Variants in ZWINT observed in about 807,000 individuals in gnomAD.
The protein encoded by ZWINT is ZW10 interacting kinetochore protein.
A neutral mutation model predicts 41.5 loss-of-function variants in ZWINT; 41 were observed. The observed-to-expected ratio is 0.99, with a 90% confidence interval of 0.77 to 1.28. ZWINT has a LOEUF of 1.28. Among genes scored for constraint, ZWINT ranks in the 50% most tolerant of loss-of-function variants. The pLI is 0.00. For missense variants in ZWINT, 369 were observed against 329.7 expected (o/e 1.12, Z -0.92); for synonymous variants, 132 against 126.8 (o/e 1.04, Z -0.28).
rs780526277 is a variant in ZWINT at position 56,358,187 on chromosome 10, T to C, written c.*42-2A>G. 2.6e-6 allele frequency: 2 copies of C among 756,216 alleles called. No homozygotes were observed. The highest frequency in any genetic ancestry group is 4.9e-6 in the Non-Finnish European group (2 of 404,296). The allele number at this position is 756,216 out of a possible 1,614,324, so 46.8% of individuals were successfully genotyped here. A position where few individuals can be genotyped will look rare whatever the true frequency, so the allele number is the denominator to read the frequency against. On this transcript the variant is annotated splice_acceptor_variant, in intron 8 of 8. Coordinates refer to ENST00000373944, the MANE Select transcript of ZWINT (RefSeq NM_007057.4). LOFTEE classifies it low-confidence loss of function (3UTR_SPLICE). ...TGGGAGGTGAGGGAAGTCAGAGGCC[T>C]GGGGAAGAAGACAGGGGTTAGCTCT...
In ZWINT at chr10:56,358,443, G is replaced by C. The variant is rs1459348914; in HGVS notation, c.809C>G (p.Pro270Arg). The stretch of plus-strand genomic sequence containing the variant: ...TCATGGCAAATTTACATCTCCAGCA[G>C]GTTGTAGACCAACAGCCTTGGAGAA... ...GVSFKAVGLQPAGDVNLP is the reference protein window; with the variant it reads ...GVSFKAVGLQRAGDVNLP Residue 270 changes from proline (P) to arginine (R), a missense_variant, in exon 8 of 9, where the codon CCT (proline) becomes CGT (arginine). Physicochemically the swap from Pro to Arg is moderately radical, Grantham distance 103. Transcript: ENST00000373944. The C allele has an allele frequency of 6.8e-6, 11 of 1,614,108 alleles. No individual in the cohort carries two copies. The highest frequency in any genetic ancestry group is 1.1e-5 in the South Asian group (1 of 91,080).
At chr10:56,359,096 G>C in intron 5 of ZWINT, 149 bp from the exon 6 acceptor site, 2 of 1,012,128 alleles carry the variant, frequency 2.0e-6, no homozygotes, top group Non-Finnish European at 2.8e-6. Context: ...TAGGGGCCTA[G>C]AGAAAAGGAA....
At chr10:56,358,305 G>C (rs540972344) in intron 8 of ZWINT, 72 bp downstream of exon 8, 1 of 1,241,284 alleles carries the variant, frequency 8.1e-7, no homozygotes, top group South Asian at 1.2e-5. Flanking sequence ...CAGATGCAGA[G>C]AGAGGTAAAC....
At chr10:56,359,429 A>C in intron 5 of ZWINT, 47 bp downstream of exon 5, 2 of 1,495,058 alleles carry the variant, frequency 1.3e-6, no homozygotes. Context: ...AGCCGATACA[A>C]TGGCATGGTG....
rs760084464 is a variant in ZWINT, at chr10:56,359,678, T to C, written c.423+9A>G. ...CTTCCCTCCCTGTACTCAAGACCCC[T>C]GGGTGTACCTTGGCCTGGAGCTGCT... On this transcript the variant is annotated intron_variant, in intron 4 of 8. Coordinates refer to ENST00000373944, the MANE Select transcript of ZWINT (RefSeq NM_007057.4). 2 of 1,614,164 alleles carry C rather than the reference T, an allele frequency of 1.2e-6. No homozygotes were observed. Among genetic ancestry groups the C allele is most frequent in the Middle Eastern group, 3.3e-4 (2 of 6,058 alleles).
intron 5 of ZWINT, 37 bp downstream of exon 5, chr10:56,359,438 TG>T: frequency 6.7e-7 from 1 of 1,502,626 alleles, no homozygotes; most frequent in Non-Finnish European, 8.9e-7. Flanking sequence ...AATGGCATGG[TG>T]GTGGGAAGGG....
intron 5 of ZWINT, 115 bp downstream of exon 5, chr10:56,359,361 T>C: frequency 1.1e-6 from 1 of 930,296 alleles, no homozygotes; most frequent in Non-Finnish European, 1.6e-6. Context: ...CCCATGTTGG[T>C]ATTTATATTA....
intron 8 of ZWINT, 32 bp downstream of exon 8, chr10:56,358,345 C>A: frequency 6.3e-7 from 1 of 1,575,402 alleles, no homozygotes; most frequent in South Asian, 1.1e-5. Flanking sequence ...CACTTGCAGT[C>A]CAGGGACACC....
At chr10:56,360,883 G>T (rs1838315932) in intron 1 of ZWINT, among the ~76,000 whole-genome samples, 1 of 152,142 alleles carries the variant, frequency 6.6e-6, no homozygotes, top group Non-Finnish European at 1.5e-5. Flanking sequence ...CTACGAAGGG[G>T]CAGGGATGGG....
At position 56,360,010 on chromosome 10, in the gene ZWINT, C is replaced by G; in HGVS notation, c.256+8G>C. On this transcript the variant is annotated splice_region_variant and intron_variant, in intron 3 of 8. Transcript: ENST00000373944. ...GTCAGCTGCTACTACAATCCCCTGC[C>G]TACTCACGGCTCGTGTCTTCAGAAG... 1 of 1,613,918 alleles carries G rather than the reference C, an allele frequency of 6.2e-7. No individual in the cohort carries two copies. The highest frequency in any genetic ancestry group is 8.5e-7 in the Non-Finnish European group (1 of 1,179,908).
chr10:56,361,051 A>G, intron 1 of ZWINT, 145 bp downstream of exon 1: 1 of 860,840 alleles, frequency 1.2e-6, no homozygotes, highest in Non-Finnish European at 1.8e-6. Context: ...TCAGGAACCT[A>G]AGACGGGACT....
At chr10:56,358,327 T>G in intron 8 of ZWINT, 50 bp downstream of exon 8, 3 of 1,482,456 alleles carry the variant, frequency 2.0e-6, no homozygotes, top group Non-Finnish European at 1.9e-6. Context: ...AGGCTTTCCC[T>G]CCTTCCACAC....
chr10:56,360,759 C>T (rs1159399622), intron 1 of ZWINT, among the ~76,000 whole-genome samples: 3 of 152,102 alleles, frequency 2.0e-5, no homozygotes, highest in East Asian at 3.9e-4. Flanking sequence ...TCCCTCCTGG[C>T]GCTGAGCACC....
At position 56,358,599 on chromosome 10, in the gene ZWINT, C is replaced by T. The variant is rs1426424472; in HGVS notation, c.749G>A (p.Ser250Asn). 2.5e-6 allele frequency: 4 copies of T among 1,614,060 alleles called. No individual in the cohort carries two copies. The highest frequency in any genetic ancestry group is 3.4e-6 in the Non-Finnish European group (4 of 1,180,046). Residue 250 changes from serine (S) to asparagine (N), a missense_variant, in exon 7 of 9, where the codon AGT becomes AAT. Coordinates refer to ENST00000373944, the MANE Select transcript of ZWINT (RefSeq NM_007057.4). The stretch of plus-strand genomic sequence containing the variant: ...GTCTCTCCCCATGGTGTCTCCTGTA[C>T]TCTGCTCCTGGGGTCGAGTCGGCTG... ...PQQPTRPQEQSTGDTMGRDPG... is the reference protein window; with the variant it reads ...PQQPTRPQEQNTGDTMGRDPG...
chr10:56,359,943 A>G (rs561924309), intron 3 of ZWINT, 75 bp downstream of exon 3: 1 of 1,605,752 alleles, frequency 6.2e-7, no homozygotes, highest in African/African-American at 1.3e-5. Flanking sequence ...CCATCAGCCA[A>G]ATGGGAGACC....
chr10:56,358,939 A>T lies in ZWINT; in HGVS notation c.489T>A (p.His163Gln). 6.2e-7 allele frequency: 1 copy of T among 1,614,042 alleles called. No homozygotes were observed. Among genetic ancestry groups the T allele is most frequent in the Non-Finnish European group, 8.5e-7 (1 of 1,179,988 alleles). Reference sequence around the variant, plus strand: ...CAGAAACCTCCGCCAGATGCTGCAGATGCTTCTCCTGCCAGGAGTGAGCAT... The same window carrying T: ...CAGAAACCTCCGCCAGATGCTGCAGTTGCTTCTCCTGCCAGGAGTGAGCAT... Reference protein sequence around the residue: ...QNQWQLQQEKHLQHLAEVSAE... With the variant: ...QNQWQLQQEKQLQHLAEVSAE... Residue 163 changes from histidine to glutamine, a missense_variant, in exon 6 of 9, where the codon CAT (histidine) becomes CAA (glutamine). Coordinates refer to ENST00000373944, the MANE Select transcript of ZWINT (RefSeq NM_007057.4).
intron 5 of ZWINT, 44 bp downstream of exon 5, chr10:56,359,432 G>C (rs1234915418): frequency 6.7e-7 from 1 of 1,495,438 alleles, no homozygotes; most frequent in South Asian, 1.4e-5. Flanking sequence ...CGATACAATG[G>C]CATGGTGGTG....
At chr10:56,358,344 T>C in intron 8 of ZWINT, 33 bp downstream of exon 8, 1 of 1,569,370 alleles carries the variant, frequency 6.4e-7, no homozygotes, top group Non-Finnish European at 8.8e-7. Flanking sequence ...ACACTTGCAG[T>C]CCAGGGACAC....
At chr10:56,359,185 T>C (rs1357103810) in intron 5 of ZWINT, among the ~76,000 whole-genome samples, 2 of 152,232 alleles carry the variant, frequency 1.3e-5, no homozygotes, top group Non-Finnish European at 2.9e-5. Flanking sequence ...TTTAACTTGC[T>C]ATGTGCCAGG....
Sources: gnomAD v4.1 joint callset for allele counts (sites outside exome capture counted in the v4.1 genomes callset) on GRCh38, gnomAD v4.1.1 for gene constraint, MANE v1.5 for transcripts, NCBI Gene and HGNC (gene_info 2026-07-23, HGNC 2026-07-21) for gene names.